Variants in CEP112 observed in about 807,000 individuals in gnomAD.
CEP112 encodes centrosomal protein of 112 kDa.
Under a neutral mutation model 153.0 loss-of-function variants are expected in CEP112, and 127 were observed. That is an observed-to-expected ratio of 0.83 (90% CI 0.72 to 0.96). The LOEUF (loss-of-function observed/expected upper bound fraction) is 0.96. CEP112 is among the 40% of genes least tolerant of loss of function. The pLI is 0.00. For synonymous variants in CEP112, 358 were observed against 374.4 expected, an observed-to-expected ratio of 0.96 and a Z score of 0.51; for missense variants, 1,089 against 1,101.2, an observed-to-expected ratio of 0.99 and a Z score of 0.16.
At chr17:65,970,362 T>TATTACATGCACACATGCATGTAA (rs2062647335) in intron 17 of CEP112, among the ~76,000 whole-genome samples, 2 of 134,956 alleles carry the variant, frequency 1.5e-5, no homozygotes, top group African/African-American at 2.8e-5. Flanking sequence ...TATGTGCCTA[T>TATTACATGCACACATGCATGTAA]ATTACATGCA....
chr17:65,696,109 T>C (rs2048341260), intron 23 of CEP112, among the ~76,000 whole-genome samples: 1 of 152,242 alleles, frequency 6.6e-6, no homozygotes, highest in African/African-American at 2.4e-5. Context: ...CACATTCTCT[T>C]ACACATTTTC....
chr17:65,937,496 C>G, intron 18 of CEP112, among the ~76,000 whole-genome samples: 1 of 135,026 alleles, frequency 7.4e-6, no homozygotes, highest in Non-Finnish European at 1.6e-5. Context: ...AGACCCTCTG[C>G]CTGGCAACCG....
intron 21 of CEP112, among the ~76,000 whole-genome samples, chr17:65,765,069 T>A (rs1351674048): frequency 1.6e-5 from 2 of 125,722 alleles, no homozygotes; most frequent in Non-Finnish European, 3.2e-5. Flanking sequence ...CCCTGCTTGA[T>A]CTAGTCTGCT....
chr17:65,986,396 G>C (rs2063407412), intron 17 of CEP112, among the ~76,000 whole-genome samples: 1 of 152,056 alleles, frequency 6.6e-6, no homozygotes, highest in Non-Finnish European at 1.5e-5. Context: ...TCAAGTCAAA[G>C]ATTCTGTGTT....
Position 66,028,318 on chromosome 17 carries a change from G to A in CEP112, c.1591C>T (p.Leu531=), listed in dbSNP as rs377715300. Residue 531 remains leucine, a synonymous_variant, in exon 15 of 27, where the codon CTA becomes TTA. Coordinates refer to ENST00000535342, the MANE Select transcript of CEP112 (RefSeq NM_001199165.4). ...TGTAGAAATACAAGACTCACCCTTA[G>A]TTGTTGCTTTCTTTGAAGTTCTGAT... The part of the protein sequence containing the change: ...QESELQRKQQ[L]RDQENKFQME... 26 of 1,580,476 alleles carry A rather than the reference G, an allele frequency of 1.6e-5. No individual in the cohort carries two copies. The highest frequency in any genetic ancestry group is 1.9e-5 in the Non-Finnish European group (22 of 1,154,694).
intron 6 of CEP112, among the ~76,000 whole-genome samples, chr17:66,097,847 T>C (rs2068414152): frequency 1.1e-4 from 16 of 152,220 alleles, no homozygotes; most frequent in Admixed American, 1.0e-3. Context: ...AAGTCTAATT[T>C]CTTCATATCA....
At chr17:65,902,667 C>T (rs1046051366) in intron 19 of CEP112, among the ~76,000 whole-genome samples, 2 of 151,896 alleles carry the variant, frequency 1.3e-5, no homozygotes, top group Admixed American at 1.3e-4. Context: ...GTTAATAGTA[C>T]GCTTTGCTTT....
At chr17:66,106,021 A>G (rs2068767035) in intron 6 of CEP112, among the ~76,000 whole-genome samples, 1 of 152,162 alleles carries the variant, frequency 6.6e-6, no homozygotes, top group Non-Finnish European at 1.5e-5. Context: ...ATACAAACAC[A>G]TGGAAATTAA....
chr17:65,770,881 A>T (rs1318973574), intron 21 of CEP112, among the ~76,000 whole-genome samples: 1 of 150,456 alleles, frequency 6.6e-6, no homozygotes, highest in African/African-American at 2.4e-5. Flanking sequence ...GAAATAATTA[A>T]TTCAGCCACT....
intron 6 of CEP112, among the ~76,000 whole-genome samples, chr17:66,117,732 C>T (rs1286420552): frequency 2.0e-5 from 3 of 152,092 alleles, no homozygotes; most frequent in African/African-American, 7.2e-5. Flanking sequence ...GAAGAGACAA[C>T]CCACAAAATG....
intron 2 of CEP112, among the ~76,000 whole-genome samples, chr17:66,181,446 C>A (rs572247166): frequency 1.4e-4 from 21 of 152,062 alleles, no homozygotes; most frequent in African/African-American, 4.8e-4. Context: ...CCCGAGTTCA[C>A]GCCATTCTCC....
chr17:65,773,549 C>T (rs2053504979), intron 21 of CEP112, among the ~76,000 whole-genome samples: 1 of 152,072 alleles, frequency 6.6e-6, no homozygotes, highest in Non-Finnish European at 1.5e-5. Flanking sequence ...GTAAATTATA[C>T]TTCAATAAAG....
At chr17:66,088,639 C>T (rs939221708) in intron 8 of CEP112, among the ~76,000 whole-genome samples, 2 of 152,164 alleles carry the variant, frequency 1.3e-5, no homozygotes, top group African/African-American at 4.8e-5. Flanking sequence ...GGCCCAGACT[C>T]CAGGTCGGCC....
rs188654098 is a variant in CEP112 at position 65,679,558 on chromosome 17, C to T, written c.2697+9571G>A. Among the ~76,000 whole-genome samples the T allele has an allele frequency of 5.9e-3, 893 of 152,230 alleles. 6 individuals are homozygous for T. The highest frequency in any genetic ancestry group is 8.1e-3 in the Non-Finnish European group (551 of 68,008). ...GCTAAGACTGTGAAGTTTTAAAATC[C>T]TTTATGGAAAATGAAAATTAAAGGC... On this transcript the variant is annotated intron_variant, in intron 24 of 26. Coordinates refer to ENST00000535342, the MANE Select transcript of CEP112 (RefSeq NM_001199165.4).
chr17:65,905,644 G>T (rs766569038), intron 19 of CEP112, among the ~76,000 whole-genome samples: 5 of 152,108 alleles, frequency 3.3e-5, no homozygotes, highest in Non-Finnish European at 7.4e-5. Context: ...AAAGACACAT[G>T]CATGGCTGGG....
chr17:65,804,432 T>C (rs1000107418), intron 21 of CEP112: 2 of 152,120 alleles, frequency 1.3e-5, no homozygotes, highest in African/African-American at 4.8e-5. Flanking sequence ...ACACAAAATT[T>C]CTCCTAGAAG....
chr17:65,924,267 T>C (rs7226194), intron 19 of CEP112, among the ~76,000 whole-genome samples: 5,773 of 152,242 alleles, frequency 0.038, 326 homozygotes, highest in African/African-American at 0.12. Flanking sequence ...TGAGCCACCG[T>C]GCCCGGCCAG....
At chr17:65,863,485 G>T (rs973241072) in intron 20 of CEP112, among the ~76,000 whole-genome samples, 3 of 152,080 alleles carry the variant, frequency 2.0e-5, no homozygotes, top group Non-Finnish European at 2.9e-5. Flanking sequence ...TAAACAAAAT[G>T]GGCCGGGCGC....
At chr17:65,899,878 C>A (rs1038783139) in intron 20 of CEP112, among the ~76,000 whole-genome samples, 1 of 152,110 alleles carries the variant, frequency 6.6e-6, no homozygotes, top group Non-Finnish European at 1.5e-5. Context: ...ATATTTAATA[C>A]GTTTGTTCTG....
Sources: allele counts gnomAD v4.1 joint callset (sites outside exome capture counted in the v4.1 genomes callset), GRCh38; gene constraint gnomAD v4.1.1; transcripts MANE v1.5; gene names NCBI Gene and HGNC (gene_info 2026-07-23, HGNC 2026-07-21).